ESR1: variants seen among roughly 807,000 people sequenced by gnomAD.
The protein encoded by ESR1 is estrogen receptor.
A neutral mutation model predicts 52.7 loss-of-function variants in ESR1; 12 were observed. The observed-to-expected ratio is 0.23, with a 90% CI of 0.15 to 0.37. ESR1 has a LOEUF of 0.37. ESR1 is among the 10% of genes least tolerant of loss of function. The pLI, the probability that ESR1 is intolerant of heterozygous loss-of-function variation, is 1.00. For synonymous variants in ESR1, 305 were observed against 316.8 expected (o/e 0.96, Z 0.39); for missense variants, 584 against 779.7 (o/e 0.75, Z 2.99).
At chr6:152,001,133 C>T (rs2041910202) in intron 4 of ESR1, among the ~76,000 whole-genome samples, 1 of 151,968 alleles carries the variant, frequency 6.6e-6, no homozygotes, top group Non-Finnish European at 1.5e-5. Flanking sequence ...GAGAGTTTCT[C>T]TTACAGGGTG....
In ESR1 at chr6:151,741,788, A is replaced by C. The variant is rs541492466; in HGVS notation, c.-71+39783A>C. Among the ~76,000 whole-genome samples the C allele has an allele frequency of 1.9e-3, 288 of 152,330 alleles. 1 individual carries two copies. Among genetic ancestry groups the C allele is most frequent in the African/African-American group, 6.5e-3 (271 of 41,576 alleles). On this transcript the variant is annotated intron_variant, in intron 2 of 2. Transcript: ENST00000404742. ...TATCCATCATCTCACGTTGTTATCC[A>C]ACACTAAAATCTACGCATGGAGCAA...
At chr6:151,664,513 A>G (rs1777750606) in intron 1 of ESR1, among the ~76,000 whole-genome samples, 1 of 152,198 alleles carries the variant, frequency 6.6e-6, no homozygotes, top group Non-Finnish European at 1.5e-5. Context: ...TAGGCTGAAA[A>G]ATACCAGACA....
intron 2 of ESR1, among the ~76,000 whole-genome samples, chr6:151,708,222 T>C (rs1053097275): frequency 6.6e-6 from 1 of 152,168 alleles, no homozygotes; most frequent in Non-Finnish European, 1.5e-5. Context: ...CACTTTGCAA[T>C]ATGTCTTAAA....
chr6:151,989,659 C>T (rs1315268860), intron 4 of ESR1, among the ~76,000 whole-genome samples: 1 of 152,018 alleles, frequency 6.6e-6, no homozygotes, highest in Non-Finnish European at 1.5e-5. Context: ...CATCTATAAT[C>T]AATTAATGTA....
At chr6:151,930,144 C>T (rs1007987646) in intron 3 of ESR1, among the ~76,000 whole-genome samples, 77 of 98,590 alleles carry the variant, frequency 7.8e-4, no homozygotes, top group African/African-American at 2.0e-3. Flanking sequence ...CCACCATGCC[C>T]GGCTAATTTT....
Position 152,129,552 on chromosome 6 carries a change from A to G in ESR1, c.*4204A>G, listed in dbSNP as rs372477243. The G allele has an allele frequency of 1.0e-3, 114 of 109,320 alleles. No individual in the cohort carries two copies. In the Middle Eastern group the frequency reaches 0.013, roughly 13 times the overall value. 6.8% of individuals were successfully genotyped at this position (109,320 alleles called of 1,614,324 possible). ...ATACTTTATTATTGCTATTTTGTTTAGGCTAGAAAAAAAAAAACTCATAAA... is the reference window on the plus strand; with the variant it reads ...ATACTTTATTATTGCTATTTTGTTTGGGCTAGAAAAAAAAAAACTCATAAA... On this transcript the variant is annotated 3_prime_UTR_variant, in exon 7 of 7. Transcript: ENST00000427531.
chr6:151,751,006 T>TA (rs1783863234), intron 2 of ESR1, among the ~76,000 whole-genome samples: 1 of 152,230 alleles, frequency 6.6e-6, no homozygotes, highest in African/African-American at 2.4e-5. Flanking sequence ...TTAAATAGCG[T>TA]AAGAGTCTGA....
intron 5 of ESR1, among the ~76,000 whole-genome samples, chr6:152,058,877 G>T (rs752005980): frequency 1.3e-5 from 2 of 152,152 alleles, no homozygotes; most frequent in Admixed American, 6.6e-5. Flanking sequence ...GATAAGCAAT[G>T]TGATTTGACG....
At chr6:151,731,176 T>C (rs2982563) in intron 2 of ESR1, among the ~76,000 whole-genome samples, 99,312 of 151,878 alleles carry the variant, frequency 0.65, 33,218 homozygotes, top group African/African-American at 0.79. Flanking sequence ...CAACATATAG[T>C]GAAACCCCCG....
At chr6:152,124,220 C>A (rs1335941805) in intron 6 of ESR1, among the ~76,000 whole-genome samples, 1 of 152,104 alleles carries the variant, frequency 6.6e-6, no homozygotes, top group South Asian at 2.1e-4. Flanking sequence ...GCAGGAGAAT[C>A]GCTTGAACCC....
chr6:152,052,465 A>AAAAT (rs1292865428), intron 5 of ESR1, among the ~76,000 whole-genome samples: 2 of 152,214 alleles, frequency 1.3e-5, no homozygotes, highest in Admixed American at 6.5e-5. Context: ...ATTTATTTAC[A>AAAAT]AAATAAATAA....
chr6:151,956,043 G>A (rs947842944), intron 4 of ESR1, among the ~76,000 whole-genome samples: 2 of 152,154 alleles, frequency 1.3e-5, no homozygotes, highest in African/African-American at 4.8e-5. Flanking sequence ...TTCCTGAAAA[G>A]GACATGATCT....
At chr6:151,662,564 T>C (rs1777674675) in intron 1 of ESR1, among the ~76,000 whole-genome samples, 1 of 152,138 alleles carries the variant, frequency 6.6e-6, no homozygotes, top group African/African-American at 2.4e-5. Context: ...TGCCAATTCT[T>C]TCTACCTCAT....
chr6:152,090,359 T>C (rs750059462), intron 6 of ESR1, among the ~76,000 whole-genome samples: 3 of 152,254 alleles, frequency 2.0e-5, no homozygotes, highest in Non-Finnish European at 4.4e-5. Flanking sequence ...CAAGATGCGA[T>C]AGAATGAAGG....
intron 1 of ESR1, among the ~76,000 whole-genome samples, chr6:151,811,644 G>A (rs1012110213): frequency 1.3e-5 from 2 of 152,146 alleles, no homozygotes; most frequent in Non-Finnish European, 2.9e-5. Context: ...TCCAAAGTGA[G>A]ATTTAAGTGA....
chr6:151,876,510 A>G (rs180818405), intron 2 of ESR1, among the ~76,000 whole-genome samples: 5 of 152,212 alleles, frequency 3.3e-5, no homozygotes, highest in Admixed American at 6.5e-5. Flanking sequence ...TGTACGGGCC[A>G]TTATTTATTT....
At chr6:151,681,400 G>T in intron 1 of ESR1, among the ~76,000 whole-genome samples, 1 of 151,912 alleles carries the variant, frequency 6.6e-6, no homozygotes, top group Non-Finnish European at 1.5e-5. Flanking sequence ...GATGGCAGGA[G>T]GGGACGGCGG....
In ESR1 at chr6:151,831,695, A is replaced by G. The variant is rs1782447137; in HGVS notation, c.453-10902A>G. Among the ~76,000 whole-genome samples, 3 of 152,068 alleles carry G rather than the reference A, an allele frequency of 2.0e-5. No individual in the cohort carries two copies. In the South Asian group the frequency reaches 6.2e-4, roughly 32 times the overall value. ...CTGTGCCTTGGCTACCTTGGTTACT[A>G]TTTCTAAAACAACTGGTGTTGTAGT... On this transcript the variant is annotated intron_variant, in intron 1 of 7. Transcript: ENST00000206249.
chr6:151,859,314 T>C (rs1287514516), intron 2 of ESR1, among the ~76,000 whole-genome samples: 1 of 152,252 alleles, frequency 6.6e-6, no homozygotes, highest in Admixed American at 6.5e-5. Context: ...AATTATTATG[T>C]CACCATAGAA....
Sources: gnomAD v4.1 joint callset for allele counts (sites outside exome capture counted in the v4.1 genomes callset) on GRCh38, gnomAD v4.1.1 for gene constraint, MANE v1.5 for transcripts, NCBI Gene and HGNC (gene_info 2026-07-23, HGNC 2026-07-21) for gene names.